BTG2: variants seen among roughly 807,000 people sequenced by gnomAD.
BTG2 encodes BTG anti-proliferation factor 2.
BTG2 carries 9 observed loss-of-function variants against 13.1 expected under a neutral mutation model. That is an observed-to-expected ratio of 0.69 (90% CI 0.41 to 1.20). BTG2 has a LOEUF of 1.20. Ranked by LOEUF, BTG2 falls within the 50% of genes most tolerant of loss-of-function variation. BTG2 has a pLI of 0.00. For missense variants in BTG2, 200 were observed against 209.5 expected (o/e 0.95, Z 0.28); for synonymous variants, 92 against 88.6 (o/e 1.04, Z -0.21).
chr1:203,307,240 C>A lies in BTG2; in HGVS notation c.279C>A (p.His93Gln), dbSNP rs1658299865. The A allele has an allele frequency of 2.5e-6, 4 of 1,614,122 alleles. No homozygotes were observed. The highest frequency in any genetic ancestry group is 1.7e-5 in the Admixed American group (1 of 60,018). ...SQIGLSQPQL[H>Q]QLLPSELTLW... ...TCGGACTCAGCCAGCCCCAGCTGCA[C>A]CAGCTGCTGCCCAGCGAGCTGACCC... Residue 93 changes from histidine to glutamine, a missense_variant, in exon 2 of 2, where the codon CAC (histidine) becomes CAA (glutamine). By Grantham distance (24) the His-to-Gln change is conservative. Transcript: ENST00000290551.
At position 203,307,233 on chromosome 1, in the gene BTG2, A is replaced by G. The variant is rs1310721459; in HGVS notation, c.272A>G (p.Gln91Arg). 3 of 1,614,110 alleles carry G rather than the reference A, an allele frequency of 1.9e-6. No individual in the cohort carries two copies. The highest frequency in any genetic ancestry group is 2.5e-6 in the Non-Finnish European group (3 of 1,180,062). Residue 91 changes from glutamine (Q) to arginine (R), a missense_variant, in exon 2 of 2, where the codon CAG becomes CGG. By Grantham distance (43) the Gln-to-Arg change is conservative. Coordinates refer to ENST00000290551, the MANE Select transcript of BTG2 (RefSeq NM_006763.3). ...AGCCAGATCGGACTCAGCCAGCCCC[A>G]GCTGCACCAGCTGCTGCCCAGCGAG... Reference protein sequence around the residue: ...VASQIGLSQPQLHQLLPSELT... With the variant: ...VASQIGLSQPRLHQLLPSELT...
chr1:203,307,452 C>G lies in BTG2; in HGVS notation c.*14C>G, dbSNP rs201462115. ...GTCTCCAGCTAGGCCCTTCCGCCCC[C>G]GCCCTGGGCGCCGCCGTGCTCATGC... On this transcript the variant is annotated 3_prime_UTR_variant, in exon 2 of 2. Transcript: ENST00000290551. 8.8e-5 allele frequency: 137 copies of G among 1,555,922 alleles called. No homozygotes were observed. Among genetic ancestry groups the G allele is most frequent in the Non-Finnish European group, 1.1e-4 (124 of 1,147,544 alleles).
rs750146635 is a variant in BTG2, at chr1:203,307,135, G to A, written c.174G>A (p.Lys58=). The A allele has an allele frequency of 1.7e-5, 28 of 1,614,044 alleles. No individual in the cohort carries two copies. In the South Asian group the frequency reaches 3.1e-4, roughly 18 times the overall value. ...EHYKHHWFPE[K]PSKGSGYRCI... is the part of the protein sequence containing the mutation. ...ACAAACACCACTGGTTTCCCGAAAA[G>A]CCGTCCAAGGGCTCCGGCTACCGCT... The change falls in exon 2 of 2, where the codon AAG becomes AAA. Residue 58 remains lysine, a synonymous_variant. Transcript: ENST00000290551.
At position 203,307,527 on chromosome 1, in the gene BTG2, T is replaced by A; in HGVS notation, c.*89T>A. On this transcript the variant is annotated 3_prime_UTR_variant, in exon 2 of 2. Coordinates refer to ENST00000290551, the MANE Select transcript of BTG2 (RefSeq NM_006763.3). ...ACCTCAACCTGGGGAACTGTATTTT[T>A]AAATGAAGAGCTATTTATATATATT... 9.5e-7 allele frequency: 1 copy of A among 1,051,592 alleles called. No individual in the cohort carries two copies. Among genetic ancestry groups the A allele is most frequent in the African/African-American group, 1.6e-5 (1 of 61,872 alleles). 65.1% of individuals were successfully genotyped at this position (1,051,592 alleles called of 1,614,324 possible). A position where few individuals can be genotyped will look rare whatever the true frequency, so the allele number is the denominator to read the frequency against.
At position 203,307,216 on chromosome 1, in the gene BTG2, C is replaced by G. The variant is rs937981413; in HGVS notation, c.255C>G (p.Ile85Met). The change falls in exon 2 of 2, where the codon ATC becomes ATG. Residue 85 changes from isoleucine to methionine, a missense_variant. Physicochemically the swap from Ile to Met is conservative, Grantham distance 10 (BLOSUM62 1). Transcript: ENST00000290551. ...TCATCAGCAGGGTGGCCAGCCAGAT[C>G]GGACTCAGCCAGCCCCAGCTGCACC... The part of the protein sequence containing the change: ...DPIISRVASQ[I>M]GLSQPQLHQL... 3 of 1,614,144 alleles carry G rather than the reference C, an allele frequency of 1.9e-6. No homozygotes were observed. The highest frequency in any genetic ancestry group is 1.7e-6 in the Non-Finnish European group (2 of 1,180,056).
chr1:203,307,532 G>C lies in BTG2; in HGVS notation c.*94G>C, dbSNP rs1176380139. The C allele has an allele frequency of 4.9e-6, 5 of 1,020,534 alleles. No individual in the cohort carries two copies. Among genetic ancestry groups the C allele is most frequent in the Non-Finnish European group, 6.9e-6 (5 of 724,934 alleles). The allele number at this position is 1,020,534 out of a possible 1,614,324, so 63.2% of individuals were successfully genotyped here. A position where few individuals can be genotyped will look rare whatever the true frequency, so the allele number is the denominator to read the frequency against. On this transcript the variant is annotated 3_prime_UTR_variant, in exon 2 of 2. Coordinates refer to ENST00000290551, the MANE Select transcript of BTG2 (RefSeq NM_006763.3). ...AACCTGGGGAACTGTATTTTTAAAT[G>C]AAGAGCTATTTATATATATTATTTT... is the stretch of plus-strand genomic sequence containing the variant.
rs1439421328 is a variant in BTG2 at position 203,305,557 on chromosome 1, A to G, written c.-50A>G. ...CGGCCAGGGTAACGCTGTCTTGTGGACCCGCACTTCCCACCCGAGACCTCT... is the reference window on the plus strand; with the variant it reads ...CGGCCAGGGTAACGCTGTCTTGTGGGCCCGCACTTCCCACCCGAGACCTCT... On this transcript the variant is annotated 5_prime_UTR_variant, in exon 1 of 2. Transcript: ENST00000290551. The G allele has an allele frequency of 1.3e-5, 20 of 1,569,880 alleles. No homozygotes were observed. The highest frequency in any genetic ancestry group is 3.7e-5 in the Admixed American group (2 of 54,690).
intron 1 of BTG2, among the ~76,000 whole-genome samples, chr1:203,306,874 ACT>A (rs1491339569): frequency 2.8e-4 from 39 of 139,504 alleles, no homozygotes; most frequent in East Asian, 1.1e-3. Flanking sequence ...ACACACACAC[ACT>A]CTCTCACATA....
At chr1:203,306,244 G>C (rs1658269235) in intron 1 of BTG2, among the ~76,000 whole-genome samples, 1 of 152,306 alleles carries the variant, frequency 6.6e-6, no homozygotes, top group East Asian at 1.9e-4. Context: ...TTGCTGACTG[G>C]CTTCAAGTTG....
Position 203,305,737 on chromosome 1 carries a change from A to G in BTG2, c.131A>G (p.Glu44Gly), listed in dbSNP as rs1658242335. The change falls in exon 1 of 2, where the codon GAG becomes GGG. Residue 44 changes from glutamate to glycine, a missense_variant. By Grantham distance (98) the Glu-to-Gly change is moderately conservative. Coordinates refer to ENST00000290551, the MANE Select transcript of BTG2 (RefSeq NM_006763.3). The part of the protein sequence containing the change: ...RLKVFSGALQ[E>G]ALTEHYKHHW... ...AAGGTCTTCAGCGGGGCGCTCCAGG[A>G]GGCACTCACAGGTGAGCGCATGCCG... The G allele has an allele frequency of 6.5e-7, 1 of 1,548,042 alleles. No individual in the cohort carries two copies. Among genetic ancestry groups the G allele is most frequent in the Non-Finnish European group, 8.7e-7 (1 of 1,145,846 alleles).
At chr1:203,306,166 A>C (rs1658266078) in intron 1 of BTG2, among the ~76,000 whole-genome samples, 1 of 152,244 alleles carries the variant, frequency 6.6e-6, no homozygotes, top group South Asian at 2.1e-4. Flanking sequence ...AGCCTTTTCA[A>C]CAATTTGGAG....
At chr1:203,307,053 A>G in intron 1 of BTG2, 51 bp from the exon 2 acceptor site, 2 of 1,532,788 alleles carry the variant, frequency 1.3e-6, no homozygotes, top group Non-Finnish European at 1.8e-6. Flanking sequence ...GGTAGTATCC[A>G]TGGCCTAGCT....
intron 1 of BTG2, among the ~76,000 whole-genome samples, chr1:203,306,450 G>C (rs960476179): frequency 1.1e-4 from 17 of 152,160 alleles, no homozygotes; most frequent in African/African-American, 4.1e-4. Context: ...TGTCAGTTTT[G>C]GGAAGCGATA....
At chr1:203,306,961 C>T (rs1658293036) in intron 1 of BTG2, 143 bp from the exon 2 acceptor site, 1 of 687,260 alleles carries the variant, frequency 1.5e-6, no homozygotes, top group African/African-American at 1.8e-5. Flanking sequence ...AAAGAGGGTC[C>T]TAGAACTCAG....
intron 1 of BTG2, among the ~76,000 whole-genome samples, chr1:203,306,188 T>G (rs1658267003): frequency 6.6e-6 from 1 of 152,268 alleles, no homozygotes; most frequent in East Asian, 1.9e-4. Context: ...CCCAGTGCGG[T>G]TCTTCCTGCC....
chr1:203,308,426 T>TC lies in BTG2; in HGVS notation c.*992dup. The TC allele has an allele frequency of 6.6e-6, 1 of 152,668 alleles. No homozygotes were observed. Among genetic ancestry groups the TC allele is most frequent in the Non-Finnish European group, 1.5e-5 (1 of 68,058 alleles). 9.5% of individuals were successfully genotyped at this position (152,668 alleles called of 1,614,324 possible). ...CAAAAGCACAACTCTCCTCTAACCC[T>TC]CCCCTCCCCCTTCCCTTCTGGTCGG... On this transcript the variant is annotated 3_prime_UTR_variant, in exon 2 of 2. Transcript: ENST00000290551.
In BTG2 at chr1:203,308,704, A is replaced by G. The variant is rs1187531171; in HGVS notation, c.*1266A>G. 6.6e-6 allele frequency: 1 copy of G among 152,616 alleles called. No homozygotes were observed. The highest frequency in any genetic ancestry group is 1.5e-5 in the Non-Finnish European group (1 of 68,038). 9.5% of individuals were successfully genotyped at this position (152,616 alleles called of 1,614,324 possible). On this transcript the variant is annotated 3_prime_UTR_variant, in exon 2 of 2. Coordinates refer to ENST00000290551, the MANE Select transcript of BTG2 (RefSeq NM_006763.3). ...TGGTATTCTTGTAGGGCCGACACTA[A>G]ATAAAAGCCAAACCTTGGGCACTGT...
intron 1 of BTG2, 60 bp from the exon 2 acceptor site, chr1:203,307,044 G>A: frequency 6.8e-7 from 1 of 1,473,386 alleles, no homozygotes; most frequent in Non-Finnish European, 9.4e-7. Context: ...CCGCCCTATG[G>A]TAGTATCCAT....
rs561049519 is a variant in BTG2, at chr1:203,309,482, T to C, written c.*2044T>C. 1.3e-5 allele frequency: 2 copies of C among 152,814 alleles called. No homozygotes were observed. Among genetic ancestry groups the C allele is most frequent in the African/African-American group, 4.8e-5 (2 of 41,590 alleles). The allele number at this position is 152,814 out of a possible 1,614,324, so 9.5% of individuals were successfully genotyped here. A position where few individuals can be genotyped will look rare whatever the true frequency, so the allele number is the denominator to read the frequency against. On this transcript the variant is annotated 3_prime_UTR_variant, in exon 2 of 2. Coordinates refer to ENST00000290551, the MANE Select transcript of BTG2 (RefSeq NM_006763.3). ...AAATAGTAGTAGTATGTTTGTAAGC[T>C]ATTCTGACAGAAAAGACAAAGGTTA...
Sources: gnomAD v4.1 joint callset for allele counts (sites outside exome capture counted in the v4.1 genomes callset) on GRCh38, gnomAD v4.1.1 for gene constraint, MANE v1.5 for transcripts, NCBI Gene and HGNC (gene_info 2026-07-23, HGNC 2026-07-21) for gene names.